CCSER1: variants seen among roughly 807,000 people sequenced by gnomAD.
The protein encoded by CCSER1 is serine-rich coiled-coil domain-containing protein 1.
CCSER1 carries 41 observed loss-of-function variants against 82.0 expected under a neutral mutation model. The ratio of observed to expected loss-of-function variants is 0.50; its 90% confidence interval spans 0.39 to 0.65. The LOEUF is 0.65. CCSER1 is among the 30% of genes least tolerant of loss of function. CCSER1 has a pLI of 0.00. For missense variants in CCSER1, 1,119 were observed against 1,064.2 expected (o/e 1.05, Z -0.72); for synonymous variants, 414 against 383.9 (o/e 1.08, Z -0.92).
chr4:90,787,334 G>T (rs191505150), intron 7 of CCSER1, among the ~76,000 whole-genome samples: 1 of 152,128 alleles, frequency 6.6e-6, no homozygotes, highest in Admixed American at 6.6e-5. Flanking sequence ...TATAACAAAA[G>T]ACTGTAGCAA....
chr4:90,642,548 T>C (rs1195796615), intron 6 of CCSER1: 2 of 152,210 alleles, frequency 1.3e-5, no homozygotes, highest in African/African-American at 4.8e-5. Context: ...TTTAAATATG[T>C]TATTTTCTGG....
chr4:91,591,111 C>T (rs1764247223), intron 10 of CCSER1, among the ~76,000 whole-genome samples: 1 of 152,082 alleles, frequency 6.6e-6, no homozygotes, highest in Non-Finnish European at 1.5e-5. Flanking sequence ...GGTACCCTGG[C>T]TTCTGTAGGT....
chr4:90,498,968 T>TA (rs1410889364), intron 5 of CCSER1, among the ~76,000 whole-genome samples: 4 of 152,124 alleles, frequency 2.6e-5, no homozygotes, highest in Admixed American at 6.6e-5. Flanking sequence ...TTATAAGTTT[T>TA]AAAAAATCTC....
intron 8 of CCSER1, among the ~76,000 whole-genome samples, chr4:90,880,569 G>A (rs1721150433): frequency 6.6e-6 from 1 of 152,176 alleles, no homozygotes. Flanking sequence ...CAGAGGCAGT[G>A]GCAGAGAGGC....
chr4:91,042,954 C>T (rs1030516155), intron 9 of CCSER1, among the ~76,000 whole-genome samples: 2 of 152,044 alleles, frequency 1.3e-5, no homozygotes, highest in African/African-American at 4.8e-5. Flanking sequence ...CATCAGAAAG[C>T]AAAATAATCT....
At chr4:90,854,635 A>C (rs1764259604) in intron 8 of CCSER1, among the ~76,000 whole-genome samples, 1 of 152,020 alleles carries the variant, frequency 6.6e-6, no homozygotes. Flanking sequence ...ATCATTTGAG[A>C]TATTTCCTTT....
chr4:90,522,897 T>C (rs1435734123), intron 5 of CCSER1, among the ~76,000 whole-genome samples: 1 of 152,196 alleles, frequency 6.6e-6, no homozygotes, highest in East Asian at 1.9e-4. Context: ...TTTCTTCTAT[T>C]GACTTAAATT....
chr4:90,489,680 C>T (rs114659506), intron 5 of CCSER1, among the ~76,000 whole-genome samples: 2,451 of 152,288 alleles, frequency 0.016, 40 homozygotes, highest in African/African-American at 0.047. Flanking sequence ...CTCCACCCAA[C>T]CCCATGACAG....
intron 5 of CCSER1, among the ~76,000 whole-genome samples, chr4:90,576,668 T>A (rs1196121326): frequency 6.6e-6 from 1 of 152,158 alleles, no homozygotes; most frequent in African/African-American, 2.4e-5. Flanking sequence ...TGTATTTAAG[T>A]CTCCTCCATG....
At chr4:91,084,803 T>A (rs1037833092) in intron 9 of CCSER1, among the ~76,000 whole-genome samples, 2 of 152,088 alleles carry the variant, frequency 1.3e-5, no homozygotes, top group Admixed American at 6.6e-5. Flanking sequence ...AAAGCTACTG[T>A]TTAAAATAAA....
intron 10 of CCSER1, among the ~76,000 whole-genome samples, chr4:91,538,651 A>C (rs573610053): frequency 1.1e-5 from 1 of 90,714 alleles, no homozygotes; most frequent in African/African-American, 4.2e-5. Flanking sequence ...TACAAACATA[A>C]ATTTTAGTTA....
intron 5 of CCSER1, among the ~76,000 whole-genome samples, chr4:90,575,595 A>T (rs7697633): frequency 0.41 from 62,465 of 152,010 alleles, 14,702 homozygotes; most frequent in African/African-American, 0.64. Context: ...AAATACCTGA[A>T]CCAAACTTTA....
At chr4:91,544,175 A>G (rs1481001858) in intron 10 of CCSER1, among the ~76,000 whole-genome samples, 2 of 152,066 alleles carry the variant, frequency 1.3e-5, no homozygotes, top group Non-Finnish European at 2.9e-5. Context: ...GGTCTTCTCT[A>G]TGCTGTTTAT....
intron 10 of CCSER1, among the ~76,000 whole-genome samples, chr4:91,224,529 A>G (rs982685470): frequency 6.6e-6 from 1 of 152,140 alleles, no homozygotes; most frequent in African/African-American, 2.4e-5. Context: ...AAATATGACT[A>G]CGTGACTAAC....
chr4:90,629,417 C>T (rs1246844627), intron 6 of CCSER1, among the ~76,000 whole-genome samples: 1 of 152,124 alleles, frequency 6.6e-6, no homozygotes, highest in Admixed American at 6.5e-5. Context: ...GATGAAGGAG[C>T]AAAGTCACGT....
chr4:91,296,018 TG>T (rs1169322196), intron 10 of CCSER1, among the ~76,000 whole-genome samples: 1 of 151,932 alleles, frequency 6.6e-6, no homozygotes, highest in African/African-American at 2.4e-5. Context: ...CATGATAATG[TG>T]GCTTTTTGAA....
chr4:91,390,395 C>T (rs1263355694), intron 10 of CCSER1, among the ~76,000 whole-genome samples: 1 of 151,672 alleles, frequency 6.6e-6, no homozygotes, highest in Non-Finnish European at 1.5e-5. Flanking sequence ...CACACTTGAT[C>T]ATGCTGTATT....
intron 3 of CCSER1, among the ~76,000 whole-genome samples, chr4:90,322,014 T>C (rs916439268): frequency 6.6e-6 from 1 of 152,194 alleles, no homozygotes; most frequent in African/African-American, 2.4e-5. Context: ...ATTTATGCTT[T>C]GGTTGCCTGT....
intron 10 of CCSER1, among the ~76,000 whole-genome samples, chr4:91,389,429 C>G (rs1292354960): frequency 6.6e-6 from 1 of 151,916 alleles, no homozygotes; most frequent in East Asian, 1.9e-4. Flanking sequence ...CATTCCATTA[C>G]CTATTTGCTT....
Sources: allele counts gnomAD v4.1 joint callset (sites outside exome capture counted in the v4.1 genomes callset), GRCh38; gene constraint gnomAD v4.1.1; transcripts MANE v1.5; gene names NCBI Gene and HGNC (gene_info 2026-07-23, HGNC 2026-07-21).